Variants in TECRL observed in about 807,000 individuals in gnomAD.
TECRL encodes the protein trans-2,3-enoyl-CoA reductase-like.
Under a neutral mutation model 52.8 loss-of-function variants are expected in TECRL, and 63 were observed. That is an observed-to-expected ratio of 1.19 (90% confidence interval 0.97 to 1.47). The LOEUF (loss-of-function observed/expected upper bound fraction) is 1.47. Among genes scored for constraint, TECRL ranks in the 40% most tolerant of loss-of-function variants. TECRL has a pLI of 0.00. For missense variants in TECRL, 482 were observed against 429.6 expected (o/e 1.12, Z -1.08); for synonymous variants, 164 against 141.9 (o/e 1.16, Z -1.10).
chr4:64,336,859 TGTG>T (rs1378165148), intron 2 of TECRL, among the ~76,000 whole-genome samples: 3 of 152,240 alleles, frequency 2.0e-5, no homozygotes, highest in Non-Finnish European at 2.9e-5. Flanking sequence ...TTGATTGCAC[TGTG>T]GTCTGAGAGA....
rs184845241 is a variant in TECRL, at chr4:64,374,325, A to G, written c.286+847T>C. 2.1e-3 allele frequency among the ~76,000 whole-genome samples: 318 copies of G among 151,212 alleles called. 1 individual carries two copies. The highest frequency in any genetic ancestry group is 7.5e-3 in the African/African-American group (310 of 41,342). On this transcript the variant is annotated intron_variant, in intron 2 of 11. Coordinates refer to ENST00000381210, the MANE Select transcript of TECRL (RefSeq NM_001010874.5). ...ATTTTAGGTACATTCACCATTTGCA[A>G]TTTATTTCTATATTCTTTTTTTTCT...
intron 1 of TECRL, among the ~76,000 whole-genome samples, chr4:64,379,011 T>C (rs1400694523): frequency 6.6e-6 from 1 of 152,030 alleles, no homozygotes; most frequent in Non-Finnish European, 1.5e-5. Flanking sequence ...AAAATGTTTC[T>C]TTTTATATTG....
At position 64,278,254 on chromosome 4, in the gene TECRL, T is replaced by C. The variant is rs1285132984; in HGVS notation, c.*1818A>G. 2 of 152,044 alleles carry C rather than the reference T, an allele frequency of 1.3e-5. No individual in the cohort carries two copies. The highest frequency in any genetic ancestry group is 4.8e-5 in the African/African-American group (2 of 41,424). The allele number at this position is 152,044 out of a possible 1,614,324, so 9.4% of individuals were successfully genotyped here. A position where few individuals can be genotyped will look rare whatever the true frequency, so the allele number is the denominator to read the frequency against. On this transcript the variant is annotated 3_prime_UTR_variant, in exon 12 of 12. Transcript: ENST00000381210. ...ATGATAACATACAATGTCTGTATTA[T>C]TAACAAATAAGTACACAACTAAATA...
intron 8 of TECRL, among the ~76,000 whole-genome samples, chr4:64,290,029 T>G (rs1374363510): frequency 2.6e-5 from 4 of 152,322 alleles, no homozygotes; most frequent in Admixed American, 2.6e-4. Context: ...AAGTTTAAAC[T>G]GTCTTGTTAA....
chr4:64,350,708 A>C (rs892772918), intron 2 of TECRL, among the ~76,000 whole-genome samples: 1 of 151,902 alleles, frequency 6.6e-6, no homozygotes, highest in Non-Finnish European at 1.5e-5. Context: ...TTGCCAGCGG[A>C]CTGCCTTTTA....
At chr4:64,371,872 G>A (rs1333206394) in intron 2 of TECRL, among the ~76,000 whole-genome samples, 1 of 151,698 alleles carries the variant, frequency 6.6e-6, no homozygotes, top group Non-Finnish European at 1.5e-5. Context: ...TTCTAATAAA[G>A]TCATATTTTA....
intron 3 of TECRL, among the ~76,000 whole-genome samples, chr4:64,326,671 T>C (rs988147780): frequency 6.6e-6 from 1 of 152,130 alleles, no homozygotes; most frequent in African/African-American, 2.4e-5. Context: ...AATCATTCCC[T>C]AACAGCCCAG....
intron 2 of TECRL, among the ~76,000 whole-genome samples, chr4:64,340,234 CA>C (rs1423849283): frequency 6.6e-6 from 1 of 152,156 alleles, no homozygotes. Context: ...GGTTCTACTG[CA>C]GCCATCCAAA....
At chr4:64,386,690 A>C (rs983838382) in intron 1 of TECRL, among the ~76,000 whole-genome samples, 4 of 152,172 alleles carry the variant, frequency 2.6e-5, no homozygotes, top group Non-Finnish European at 4.4e-5. Context: ...AAGAATTACT[A>C]TTTCAAGCCA....
intron 1 of TECRL, among the ~76,000 whole-genome samples, chr4:64,405,902 A>G (rs1320883557): frequency 6.6e-6 from 1 of 152,152 alleles, no homozygotes; most frequent in African/African-American, 2.4e-5. Flanking sequence ...TGATATACCC[A>G]GTAAGATAAG....
At chr4:64,385,636 G>T (rs1252033108) in intron 1 of TECRL, among the ~76,000 whole-genome samples, 5 of 152,258 alleles carry the variant, frequency 3.3e-5, no homozygotes, top group South Asian at 2.1e-4. Flanking sequence ...AGATGCAGGG[G>T]TTGTTGGGCC....
intron 2 of TECRL, among the ~76,000 whole-genome samples, chr4:64,371,611 C>T (rs796393140): frequency 4.0e-5 from 6 of 151,710 alleles, no homozygotes; most frequent in South Asian, 2.1e-4. Flanking sequence ...CAAAATATCA[C>T]ATTCATCTGC....
chr4:64,379,207 C>T (rs1295879051), intron 1 of TECRL, among the ~76,000 whole-genome samples: 1 of 149,884 alleles, frequency 6.7e-6, no homozygotes, highest in Non-Finnish European at 1.5e-5. Flanking sequence ...CAGCCTAAAA[C>T]ATTACTGGTC....
chr4:64,361,969 A>G (rs927731564), intron 2 of TECRL, among the ~76,000 whole-genome samples: 3 of 152,188 alleles, frequency 2.0e-5, no homozygotes, highest in Non-Finnish European at 4.4e-5. Flanking sequence ...AAAATGGTGC[A>G]TGTATTAAAA....
intron 2 of TECRL, among the ~76,000 whole-genome samples, chr4:64,336,516 G>A (rs1719094995): frequency 6.6e-6 from 1 of 152,014 alleles, no homozygotes; most frequent in African/African-American, 2.4e-5. Flanking sequence ...CTTCAGTTCT[G>A]CTCTAATCTT....
intron 11 of TECRL, among the ~76,000 whole-genome samples, chr4:64,280,428 T>C (rs1468870217): frequency 6.6e-6 from 1 of 152,142 alleles, no homozygotes; most frequent in African/African-American, 2.4e-5. Flanking sequence ...ACATATTTTA[T>C]ATACCACTGC....
At chr4:64,381,469 T>A (rs1228778569) in intron 1 of TECRL, among the ~76,000 whole-genome samples, 1 of 151,988 alleles carries the variant, frequency 6.6e-6, no homozygotes, top group East Asian at 1.9e-4. Context: ...TTCCAGTTCT[T>A]AGATAAAAGG....
intron 2 of TECRL, among the ~76,000 whole-genome samples, chr4:64,373,222 T>A (rs1722107129): frequency 6.6e-6 from 1 of 151,740 alleles, no homozygotes; most frequent in Admixed American, 6.6e-5. Context: ...TTTAGATGAT[T>A]GAAATAATAT....
chr4:64,367,576 C>A (rs1577945264), intron 2 of TECRL, among the ~76,000 whole-genome samples: 1 of 151,968 alleles, frequency 6.6e-6, no homozygotes, highest in East Asian at 1.9e-4. Flanking sequence ...ATTAAATATA[C>A]AGCGAAATAA....
Sources: gnomAD v4.1 joint callset for allele counts (sites outside exome capture counted in the v4.1 genomes callset) on GRCh38, gnomAD v4.1.1 for gene constraint, MANE v1.5 for transcripts, NCBI Gene and HGNC (gene_info 2026-07-23, HGNC 2026-07-21) for gene names.